ASIC2: variants seen among roughly 807,000 people sequenced by gnomAD.
ASIC2 encodes the protein acid-sensing ion channel 2.
A neutral mutation model predicts 57.3 loss-of-function variants in ASIC2; 25 were observed. The ratio of observed to expected loss-of-function variants is 0.44; its 90% confidence interval spans 0.32 to 0.61. The LOEUF (loss-of-function observed/expected upper bound fraction) is 0.61. Among genes scored for constraint, ASIC2 ranks in the 20% least tolerant of loss-of-function variants. ASIC2 has a pLI of 0.06. For missense variants in ASIC2, 641 were observed against 738.1 expected, an observed-to-expected ratio of 0.87 and a Z score of 1.52; for synonymous variants, 319 against 307.5, an observed-to-expected ratio of 1.04 and a Z score of -0.39.
chr17:33,028,894 G>A (rs2091869573), intron 3 of ASIC2, among the ~76,000 whole-genome samples: 1 of 152,158 alleles, frequency 6.6e-6, no homozygotes. Flanking sequence ...ATGGCTCTAG[G>A]CACTATCCTT....
intron 1 of ASIC2, chr17:34,004,214 A>C (rs1036515278): frequency 6.7e-6 from 1 of 150,220 alleles, no homozygotes. Context: ...GAAAAGGAAA[A>C]GGAAGGCTGT....
chr17:33,400,676 A>G (rs747883876), intron 1 of ASIC2, among the ~76,000 whole-genome samples: 5 of 152,172 alleles, frequency 3.3e-5, no homozygotes, highest in Non-Finnish European at 7.3e-5. Flanking sequence ...AAGATCATTT[A>G]TTACCATTTG....
At chr17:33,347,977 C>T (rs767910686) in intron 1 of ASIC2, among the ~76,000 whole-genome samples, 6 of 152,132 alleles carry the variant, frequency 3.9e-5, no homozygotes, top group Non-Finnish European at 7.4e-5. Flanking sequence ...TGGTGCACAC[C>T]TGTAGTCCCA....
chr17:34,011,140 C>T (rs1402044369), intron 1 of ASIC2, among the ~76,000 whole-genome samples: 1 of 151,542 alleles, frequency 6.6e-6, no homozygotes, highest in African/African-American at 2.4e-5. Context: ...GGCACACACA[C>T]ACACACATAG....
intron 1 of ASIC2, chr17:34,038,950 A>G: frequency 1.2e-6 from 2 of 1,613,218 alleles, no homozygotes; most frequent in Non-Finnish European, 1.7e-6. Flanking sequence ...ACTGCTCAGT[A>G]AATTTGGCTC....
At chr17:33,562,735 T>TA (rs1916113712) in intron 1 of ASIC2, among the ~76,000 whole-genome samples, 1 of 152,114 alleles carries the variant, frequency 6.6e-6, no homozygotes, top group Non-Finnish European at 1.5e-5. Flanking sequence ...AGAGGGTTGA[T>TA]ATGTGAGGCA....
intron 1 of ASIC2, among the ~76,000 whole-genome samples, chr17:34,098,910 G>A (rs544007229): frequency 6.6e-6 from 1 of 151,892 alleles, no homozygotes; most frequent in East Asian, 1.9e-4. Flanking sequence ...TTTCCATACC[G>A]TGTGATGCCC....
chr17:33,967,964 G>C (rs1384442743), intron 1 of ASIC2, among the ~76,000 whole-genome samples: 1 of 152,152 alleles, frequency 6.6e-6, no homozygotes, highest in Non-Finnish European at 1.5e-5. Context: ...TCAGGGCCCT[G>C]CAAACTATGT....
intron 1 of ASIC2, among the ~76,000 whole-genome samples, chr17:34,012,868 G>A (rs763438309): frequency 2.0e-5 from 3 of 152,140 alleles, no homozygotes; most frequent in Non-Finnish European, 2.9e-5. Context: ...TCCTGGGAAG[G>A]TCAAGCGCTA....
chr17:34,102,106 C>T (rs903050303), intron 1 of ASIC2, among the ~76,000 whole-genome samples: 3 of 152,096 alleles, frequency 2.0e-5, no homozygotes, highest in South Asian at 2.1e-4. Context: ...GTCAGGAGTT[C>T]GAGACTAGCC....
chr17:33,983,380 T>C (rs1905695407), intron 1 of ASIC2, among the ~76,000 whole-genome samples: 1 of 152,148 alleles, frequency 6.6e-6, no homozygotes, highest in South Asian at 2.1e-4. Context: ...TAAATCAATG[T>C]GAGATGAAAT....
At chr17:33,856,742 G>A (rs1417376115) in intron 1 of ASIC2, among the ~76,000 whole-genome samples, 1 of 152,168 alleles carries the variant, frequency 6.6e-6, no homozygotes, top group Non-Finnish European at 1.5e-5. Context: ...TTCATTCCTA[G>A]CAGAGGTCAT....
At chr17:33,506,975 G>A (rs913306155) in intron 1 of ASIC2, among the ~76,000 whole-genome samples, 3 of 152,208 alleles carry the variant, frequency 2.0e-5, no homozygotes, top group Non-Finnish European at 2.9e-5. Context: ...GGAAATGAGA[G>A]CAGAGGAGGA....
chr17:33,945,920 A>G (rs1904360592), intron 1 of ASIC2, among the ~76,000 whole-genome samples: 1 of 152,236 alleles, frequency 6.6e-6, no homozygotes, highest in Non-Finnish European at 1.5e-5. Flanking sequence ...AGATTAAAGC[A>G]TAAAGATCCA....
chr17:33,219,767 T>C (rs1320979908), intron 1 of ASIC2, among the ~76,000 whole-genome samples: 1 of 152,206 alleles, frequency 6.6e-6, no homozygotes, highest in Admixed American at 6.5e-5. Context: ...CACAAGTTCC[T>C]TTTGAAGGGC....
chr17:33,607,861 A>G (rs12602969), intron 1 of ASIC2, among the ~76,000 whole-genome samples: 1 of 152,168 alleles, frequency 6.6e-6, no homozygotes, highest in Admixed American at 6.5e-5. Context: ...CTGGGACTCA[A>G]ATGAAGACCC....
intron 1 of ASIC2, among the ~76,000 whole-genome samples, chr17:33,208,242 T>C (rs991577615): frequency 6.6e-6 from 1 of 152,134 alleles, no homozygotes; most frequent in Non-Finnish European, 1.5e-5. Context: ...AGAGGAAAAA[T>C]ACTACAAATC....
intron 1 of ASIC2, among the ~76,000 whole-genome samples, chr17:33,806,511 G>A (rs12603817): frequency 0.09 from 13,706 of 152,294 alleles, 700 homozygotes; most frequent in East Asian, 0.19. Context: ...AACAGCATGA[G>A]CTTCTGTCCG....
At chr17:33,334,010 G>T (rs112930964) in intron 1 of ASIC2, among the ~76,000 whole-genome samples, 57 of 152,342 alleles carry the variant, frequency 3.7e-4, no homozygotes, top group African/African-American at 1.3e-3. Flanking sequence ...CAAAATGGAT[G>T]CATTCAATGC....
Sources: gnomAD v4.1 joint callset for allele counts (sites outside exome capture counted in the v4.1 genomes callset) on GRCh38, gnomAD v4.1.1 for gene constraint, MANE v1.5 for transcripts, NCBI Gene and HGNC (gene_info 2026-07-23, HGNC 2026-07-21) for gene names.